Variants in SEL1L3 observed in about 807,000 individuals in gnomAD.
The protein encoded by SEL1L3 is protein sel-1 homolog 3.
SEL1L3 carries 76 observed loss-of-function variants against 142.8 expected under a neutral mutation model. The observed-to-expected ratio is 0.53, with a 90% CI of 0.44 to 0.64. The LOEUF is 0.64. Among genes scored for constraint, SEL1L3 ranks in the 30% least tolerant of loss-of-function variants. The pLI, the probability that SEL1L3 is intolerant of heterozygous loss-of-function variation, is 0.00. For synonymous variants in SEL1L3, 504 were observed against 519.6 expected (o/e 0.97, Z 0.41); for missense variants, 1,262 against 1,381.7 (o/e 0.91, Z 1.37).
chr4:25,835,835 C>A (rs1418343046), intron 2 of SEL1L3, among the ~76,000 whole-genome samples: 1 of 152,170 alleles, frequency 6.6e-6, no homozygotes, highest in Non-Finnish European at 1.5e-5. Flanking sequence ...GGCACGGTTG[C>A]CAAAATAGTA....
chr4:25,787,384 G>A (rs1003192432), intron 13 of SEL1L3, among the ~76,000 whole-genome samples: 4 of 152,098 alleles, frequency 2.6e-5, no homozygotes, highest in Non-Finnish European at 4.4e-5. Flanking sequence ...GCAGTGGCAC[G>A]ATCTTGGCTC....
intron 9 of SEL1L3, among the ~76,000 whole-genome samples, chr4:25,814,126 AATTACAGCCC>A (rs971240103): frequency 3.3e-4 from 50 of 152,200 alleles, no homozygotes; most frequent in Non-Finnish European, 6.2e-4. Context: ...CAGAACCAGA[AATTACAGCCC>A]ATTTTCTCTT....
the SEL1L3 span, among the ~76,000 whole-genome samples, chr4:25,736,731 T>G: frequency 6.6e-6 from 1 of 152,242 alleles, no homozygotes; most frequent in East Asian, 1.9e-4. Flanking sequence ...GTTCTATTAC[T>G]GAGAGAAGTG....
At chr4:25,849,537 T>C (rs757488699) in intron 1 of SEL1L3, among the ~76,000 whole-genome samples, 1 of 151,888 alleles carries the variant, frequency 6.6e-6, no homozygotes, top group Non-Finnish European at 1.5e-5. Context: ...GAAGAGGGGA[T>C]TGAGGAGTTA....
intron 19 of SEL1L3, among the ~76,000 whole-genome samples, chr4:25,766,007 C>T (rs1718701188): frequency 6.6e-6 from 1 of 152,162 alleles, no homozygotes; most frequent in Non-Finnish European, 1.5e-5. Flanking sequence ...AACCTTGCTG[C>T]CCAAATCAGC....
chr4:25,725,587 T>G, the SEL1L3 span, among the ~76,000 whole-genome samples: 1 of 152,178 alleles, frequency 6.6e-6, no homozygotes, highest in Non-Finnish European at 1.5e-5. Context: ...AGTGTGGGAT[T>G]ACAGGTGTGA....
At chr4:25,751,215 T>C (rs146321230) in intron 23 of SEL1L3, among the ~76,000 whole-genome samples, 1 of 152,176 alleles carries the variant, frequency 6.6e-6, no homozygotes, top group Non-Finnish European at 1.5e-5. Context: ...AAGGCAATTA[T>C]GCTTGGTGTA....
At chr4:25,744,112 C>T (rs573392358), downstream of SEL1L3, among the ~76,000 whole-genome samples, 1 of 152,248 alleles carries the variant, frequency 6.6e-6, no homozygotes, top group South Asian at 2.1e-4. Context: ...CATTTCCCAA[C>T]CTCATTTGGA....
At chr4:25,841,043 C>CT (rs1716136911) in intron 2 of SEL1L3, among the ~76,000 whole-genome samples, 1 of 148,078 alleles carries the variant, frequency 6.8e-6, no homozygotes, top group Admixed American at 6.8e-5. Context: ...TTCTTCTTCT[C>CT]TTTTTTTGAG....
chr4:25,823,113 TG>T (rs1413439852), intron 6 of SEL1L3, among the ~76,000 whole-genome samples: 3 of 151,998 alleles, frequency 2.0e-5, no homozygotes, highest in Admixed American at 2.0e-4. Context: ...CATGGGGTGG[TG>T]GGGGGTTGGG....
intron 9 of SEL1L3, among the ~76,000 whole-genome samples, chr4:25,815,615 T>C (rs540445483): frequency 6.6e-6 from 1 of 152,228 alleles, no homozygotes; most frequent in Non-Finnish European, 1.5e-5. Context: ...ACAATTTTGG[T>C]GTGGATGTGG....
intron 1 of SEL1L3, among the ~76,000 whole-genome samples, chr4:25,849,112 C>T (rs934042067): frequency 6.6e-6 from 1 of 152,162 alleles, no homozygotes; most frequent in African/African-American, 2.4e-5. Context: ...GCACTCCACC[C>T]TGGGCAACAG....
chr4:25,758,290 G>A (rs1262693646), intron 21 of SEL1L3, among the ~76,000 whole-genome samples: 1 of 152,092 alleles, frequency 6.6e-6, no homozygotes. Context: ...AGCCATCATG[G>A]TGAAACCCTG....
chr4:25,814,833 G>A (rs1714277824), intron 9 of SEL1L3, among the ~76,000 whole-genome samples: 1 of 151,606 alleles, frequency 6.6e-6, no homozygotes, highest in Non-Finnish European at 1.5e-5. Flanking sequence ...GAAGCTGGGT[G>A]CAACATAAGA....
intron 11 of SEL1L3, among the ~76,000 whole-genome samples, chr4:25,794,629 G>A (rs1712583886): frequency 1.3e-5 from 2 of 152,166 alleles, no homozygotes; most frequent in South Asian, 4.1e-4. Context: ...AGGTAAATTA[G>A]TTCAACCATT....
intron 13 of SEL1L3, among the ~76,000 whole-genome samples, chr4:25,786,476 T>C (rs1711837493): frequency 6.6e-6 from 1 of 152,168 alleles, no homozygotes; most frequent in African/African-American, 2.4e-5. Context: ...CCCAGAGTCA[T>C]TTATTTCTGG....
At position 25,749,746 on chromosome 4, in the gene SEL1L3, G is replaced by A. The variant is rs149121355; in HGVS notation, c.3260-1182C>T. 1.4e-3 allele frequency among the ~76,000 whole-genome samples: 207 copies of A among 152,330 alleles called. 1 individual carries two copies. The highest frequency in any genetic ancestry group is 4.7e-3 in the African/African-American group (195 of 41,582). ...CTGGGGGACCATTTTCTGTACATTA[G>A]TGAGAAATATCACGAACTGGCCCAA... On this transcript the variant is annotated intron_variant, in intron 23 of 23. Coordinates refer to ENST00000399878, the MANE Select transcript of SEL1L3 (RefSeq NM_015187.5).
chr4:25,830,146 G>C lies in SEL1L3; in HGVS notation c.1109C>G (p.Thr370Ser). 6.2e-7 allele frequency: 1 copy of C among 1,605,758 alleles called. No homozygotes were observed. Among genetic ancestry groups the C allele is most frequent in the Non-Finnish European group, 8.5e-7 (1 of 1,172,630 alleles). ...ISFNGGQIVVTTSIGQDLKSY... is the reference protein window; with the variant it reads ...ISFNGGQIVVSTSIGQDLKSY... The stretch of plus-strand genomic sequence containing the variant: ...TTTCAAATCCTGTCCAATGCTAGTG[G>C]TTACTACTATCTATGATGGGAGGGA... The change falls in exon 6 of 24, where the codon ACC becomes AGC. Residue 370 changes from threonine to serine, a missense_variant. Coordinates refer to ENST00000399878, the MANE Select transcript of SEL1L3 (RefSeq NM_015187.5).
intron 17 of SEL1L3, 35 bp downstream of exon 17, chr4:25,776,241 GA>G (rs1719614060): frequency 1.4e-6 from 2 of 1,424,494 alleles, no homozygotes; most frequent in Non-Finnish European, 2.0e-6. Context: ...GACAGACAGG[GA>G]AAAAAGTTTG....
Sources: allele counts gnomAD v4.1 joint callset (sites outside exome capture counted in the v4.1 genomes callset), GRCh38; gene constraint gnomAD v4.1.1; transcripts MANE v1.5; gene names NCBI Gene and HGNC (gene_info 2026-07-23, HGNC 2026-07-21).